The following VKORC1L1 variants were observed in gnomAD, a reference collection of about 807,000 sequenced individuals.
VKORC1L1 encodes vitamin K epoxide reductase complex subunit 1-like protein 1.
A neutral mutation model predicts 18.9 loss-of-function variants in VKORC1L1; 2 were observed. The ratio of observed to expected loss-of-function variants is 0.11; its 90% CI spans 0.04 to 0.33. The LOEUF is 0.33. Among genes scored for constraint, VKORC1L1 ranks in the 10% least tolerant of loss-of-function variants. The pLI, the probability that VKORC1L1 is intolerant of heterozygous loss-of-function variation, is 1.00. For missense variants in VKORC1L1, 123 were observed against 224.1 expected, an observed-to-expected ratio of 0.55 and a Z score of 2.88; for synonymous variants, 96 against 100.0, an observed-to-expected ratio of 0.96 and a Z score of 0.24.
chr7:65,928,550 G>A lies in VKORC1L1; in HGVS notation c.195-20121G>A, dbSNP rs145134057. Among the ~76,000 whole-genome samples, 1,426 of 152,188 alleles carry A rather than the reference G, an allele frequency of 9.4e-3. 26 individuals are homozygous for A. Among genetic ancestry groups the A allele is most frequent in the African/African-American group, 0.031 (1,285 of 41,502 alleles). On this transcript the variant is annotated intron_variant, in intron 1 of 2. Coordinates refer to ENST00000360768, the MANE Select transcript of VKORC1L1 (RefSeq NM_173517.6). ...GTTCACATGTATTTGAGATTTATCC[G>A]TGTTGTTTCATGTATCACCAAATGA...
At chr7:65,876,313 G>GC (rs1471316850) in intron 1 of VKORC1L1, among the ~76,000 whole-genome samples, 1 of 151,958 alleles carries the variant, frequency 6.6e-6, no homozygotes, top group East Asian at 1.9e-4. Flanking sequence ...GACCAGCCTG[G>GC]CCAACATGCT....
chr7:65,906,663 T>C (rs1789411031), intron 1 of VKORC1L1, among the ~76,000 whole-genome samples: 1 of 152,178 alleles, frequency 6.6e-6, no homozygotes. Context: ...TGAGTTCCTC[T>C]TCTCTAGGAG....
At chr7:65,923,827 G>GA (rs1477255433) in intron 1 of VKORC1L1, among the ~76,000 whole-genome samples, 3 of 152,214 alleles carry the variant, frequency 2.0e-5, no homozygotes, top group Non-Finnish European at 4.4e-5. Context: ...ACAGAGCTGA[G>GA]AGGTTTTGGA....
intron 1 of VKORC1L1, among the ~76,000 whole-genome samples, chr7:65,931,577 T>C (rs1002352932): frequency 2.6e-5 from 4 of 152,204 alleles, no homozygotes; most frequent in Non-Finnish European, 1.5e-5. Context: ...ATTAATACTT[T>C]GTATCTTGTT....
the VKORC1L1 span, among the ~76,000 whole-genome samples, chr7:65,866,534 C>T: frequency 1.3e-5 from 2 of 152,110 alleles, no homozygotes; most frequent in Non-Finnish European, 1.5e-5. Context: ...GATTCCAGGA[C>T]CTGCAGCAGC....
In VKORC1L1 at chr7:65,954,350, T is replaced by G. The variant is rs1383833049; in HGVS notation, c.*50T>G. ...GTCTCAAGCCCCTTTCCATTCAGTTTATTTTGCAGCAGGTTTTTATTATTA... is the reference window on the plus strand; with the variant it reads ...GTCTCAAGCCCCTTTCCATTCAGTTGATTTTGCAGCAGGTTTTTATTATTA... On this transcript the variant is annotated 3_prime_UTR_variant, in exon 3 of 3. Transcript: ENST00000360768. The G allele has an allele frequency of 6.3e-7, 1 of 1,594,218 alleles. No individual in the cohort carries two copies. The highest frequency in any genetic ancestry group is 1.3e-5 in the African/African-American group (1 of 74,306).
At chr7:65,903,937 A>G (rs1021249789) in intron 1 of VKORC1L1, among the ~76,000 whole-genome samples, 3 of 151,974 alleles carry the variant, frequency 2.0e-5, no homozygotes, top group African/African-American at 7.3e-5. Flanking sequence ...AAACATAAGA[A>G]TTTTTTTTCC....
intron 1 of VKORC1L1, among the ~76,000 whole-genome samples, chr7:65,930,739 C>T (rs1789844524): frequency 6.6e-6 from 1 of 151,784 alleles, no homozygotes; most frequent in South Asian, 2.1e-4. Context: ...CTTTATTTTA[C>T]TGGCTAAGGT....
intron 1 of VKORC1L1, among the ~76,000 whole-genome samples, chr7:65,881,545 A>G (rs1432955455): frequency 6.6e-6 from 1 of 152,202 alleles, no homozygotes; most frequent in African/African-American, 2.4e-5. Context: ...GGAGCTGTGT[A>G]GGGATGGAAC....
chr7:65,953,467 C>T (rs1452250028), intron 2 of VKORC1L1, among the ~76,000 whole-genome samples: 1 of 152,210 alleles, frequency 6.6e-6, no homozygotes, highest in Non-Finnish European at 1.5e-5. Flanking sequence ...GTTGATGTTA[C>T]AAGTCAGCTT....
At chr7:65,908,736 C>G (rs1321007039) in intron 1 of VKORC1L1, among the ~76,000 whole-genome samples, 1 of 149,734 alleles carries the variant, frequency 6.7e-6, no homozygotes, top group African/African-American at 2.5e-5. Context: ...ACTCAGGAGG[C>G]TGAGGCAGGA....
chr7:65,929,768 G>C (rs768845117), intron 1 of VKORC1L1, among the ~76,000 whole-genome samples: 29 of 149,530 alleles, frequency 1.9e-4, no homozygotes, highest in Non-Finnish European at 4.0e-4. Context: ...GGGCTCAAGT[G>C]ATCCTCCTGC....
chr7:65,902,873 T>C (rs1293840192), intron 1 of VKORC1L1, among the ~76,000 whole-genome samples: 1 of 152,060 alleles, frequency 6.6e-6, no homozygotes, highest in Non-Finnish European at 1.5e-5. Context: ...ATTTATTTAT[T>C]TATTTATTTT....
chr7:65,940,451 A>G (rs572076455), intron 1 of VKORC1L1, among the ~76,000 whole-genome samples: 43 of 152,328 alleles, frequency 2.8e-4, no homozygotes, highest in African/African-American at 6.5e-4. Context: ...GAAAGAAACT[A>G]TTAGAGGATT....
chr7:65,901,169 A>G (rs569173956), intron 1 of VKORC1L1, among the ~76,000 whole-genome samples: 12 of 152,332 alleles, frequency 7.9e-5, no homozygotes, highest in African/African-American at 2.9e-4. Flanking sequence ...CGGTGTTATA[A>G]AGAGGTAGAG....
intron 1 of VKORC1L1, among the ~76,000 whole-genome samples, chr7:65,944,308 G>A (rs970794767): frequency 6.6e-6 from 1 of 152,180 alleles, no homozygotes; most frequent in African/African-American, 2.4e-5. Flanking sequence ...GGCAGAGGTT[G>A]CAGTGAGCCG....
intron 1 of VKORC1L1, among the ~76,000 whole-genome samples, chr7:65,946,988 A>T (rs1160177042): frequency 3.4e-4 from 52 of 151,452 alleles, no homozygotes; most frequent in East Asian, 9.7e-4. Flanking sequence ...TACCAAAAAA[A>T]AAATATATAT....
chr7:65,942,369 A>G (rs1056614729), intron 1 of VKORC1L1, among the ~76,000 whole-genome samples: 17 of 150,884 alleles, frequency 1.1e-4, no homozygotes, highest in Non-Finnish European at 2.1e-4. Flanking sequence ...GCGGGCACCT[A>G]TAGTCCCAGC....
chr7:65,916,749 C>G (rs1199961217), intron 1 of VKORC1L1, among the ~76,000 whole-genome samples: 2 of 152,088 alleles, frequency 1.3e-5, no homozygotes, highest in Non-Finnish European at 2.9e-5. Flanking sequence ...CAGGCCTGCG[C>G]CACCATGCCT....
Sources: gnomAD v4.1 joint callset for allele counts (sites outside exome capture counted in the v4.1 genomes callset) on GRCh38, gnomAD v4.1.1 for gene constraint, MANE v1.5 for transcripts, NCBI Gene and HGNC (gene_info 2026-07-23, HGNC 2026-07-21) for gene names.